The following PLSCR2 variants were observed in gnomAD, a reference collection of about 807,000 sequenced individuals.
PLSCR2 encodes the protein PL scramblase 2.
In PLSCR2, 18 loss-of-function variants were observed where a neutral mutation model predicts 25.3. The ratio of observed to expected loss-of-function variants is 0.71; its 90% CI spans 0.49 to 1.06. The LOEUF is 1.06. PLSCR2 is among the 50% of genes least tolerant of loss of function. PLSCR2 has a pLI of 0.00. For synonymous variants in PLSCR2, 88 were observed against 87.3 expected (o/e 1.01, Z -0.04); for missense variants, 243 against 269.5 (o/e 0.90, Z 0.69).
chr3:146,480,613 G>A (rs2043095270), intron 1 of PLSCR2, among the ~76,000 whole-genome samples: 1 of 151,482 alleles, frequency 6.6e-6, no homozygotes. Context: ...ATGAAAAAGA[G>A]TCCAGGACCA....
At chr3:146,473,463 G>A (rs111836072) in intron 1 of PLSCR2, among the ~76,000 whole-genome samples, 1 of 151,732 alleles carries the variant, frequency 6.6e-6, no homozygotes, top group African/African-American at 2.4e-5. Flanking sequence ...CTGCTACCAC[G>A]CCTAACTAAT....
intron 6 of PLSCR2, among the ~76,000 whole-genome samples, chr3:146,445,447 C>T (rs748002399): frequency 3.3e-5 from 5 of 152,082 alleles, no homozygotes; most frequent in Admixed American, 6.6e-5. Flanking sequence ...CTATGATCAA[C>T]GTTTTTTTTC....
intron 1 of PLSCR2, among the ~76,000 whole-genome samples, chr3:146,481,486 C>A (rs530673218): frequency 6.6e-6 from 1 of 152,178 alleles, no homozygotes; most frequent in Non-Finnish European, 1.5e-5. Flanking sequence ...ACAATTGCTA[C>A]AAACAGAATA....
At chr3:146,468,290 A>G (rs568582015) in intron 1 of PLSCR2, among the ~76,000 whole-genome samples, 6 of 152,266 alleles carry the variant, frequency 3.9e-5, no homozygotes, top group African/African-American at 1.2e-4. Flanking sequence ...CAGGGTGGCA[A>G]TAAGAGAAAG....
chr3:146,401,021 T>C (rs2038454225), intron 2 of PLSCR2, among the ~76,000 whole-genome samples: 1 of 151,964 alleles, frequency 6.6e-6, no homozygotes, highest in South Asian at 2.1e-4. Flanking sequence ...AAAATGGAAG[T>C]AGATTTAAAT....
In PLSCR2 at chr3:146,493,783, G is replaced by A. The variant is rs796335048; in HGVS notation, c.-293+2112C>T. 4.3e-3 allele frequency among the ~76,000 whole-genome samples: 238 copies of A among 54,810 alleles called. 2 individuals are homozygous for A. Among genetic ancestry groups the A allele is most frequent in the African/African-American group, 0.017 (232 of 14,010 alleles). 36.0% of individuals were successfully genotyped at this position (54,810 alleles called of 152,430 possible). ...TTTCTGTTTTTCAGTCCAAGGTGGC[G>A]TTTTTTTTTTTTTTTTTTTTTTTTG... On this transcript the variant is annotated intron_variant, in intron 1 of 8. Coordinates refer to the PLSCR2 transcript ENST00000336685.
intron 5 of PLSCR2, among the ~76,000 whole-genome samples, chr3:146,453,625 C>A (rs973051034): frequency 2.6e-5 from 4 of 152,122 alleles, no homozygotes; most frequent in African/African-American, 9.7e-5. Context: ...TGGCCTGGAG[C>A]ACTGGCAGCC....
chr3:146,480,039 G>A (rs1352759231), intron 1 of PLSCR2, among the ~76,000 whole-genome samples: 1 of 152,244 alleles, frequency 6.6e-6, no homozygotes, highest in Non-Finnish European at 1.5e-5. Flanking sequence ...TGAAACCAAT[G>A]AGAACAAAGA....
At chr3:146,485,144 G>A (rs2043295856) in intron 1 of PLSCR2, among the ~76,000 whole-genome samples, 1 of 150,834 alleles carries the variant, frequency 6.6e-6, no homozygotes, top group African/African-American at 2.4e-5. Context: ...TTGAGGGGTT[G>A]CAATCCTTGT....
chr3:146,427,097 A>G (rs563699115), intron 2 of PLSCR2, among the ~76,000 whole-genome samples: 2 of 152,346 alleles, frequency 1.3e-5, no homozygotes, highest in African/African-American at 4.8e-5. Context: ...TAAACTCAAT[A>G]TCTTCACATA....
downstream of PLSCR2, among the ~76,000 whole-genome samples, chr3:146,429,093 G>A (rs372322310): frequency 1.3e-5 from 2 of 152,142 alleles, no homozygotes; most frequent in Non-Finnish European, 1.5e-5. Context: ...ACCTGAGGCC[G>A]AGTAATTTAT....
chr3:146,439,247 T>C (rs1412942830), downstream of PLSCR2, among the ~76,000 whole-genome samples: 3 of 152,154 alleles, frequency 2.0e-5, no homozygotes, highest in African/African-American at 4.8e-5. Context: ...CTGACAACTA[T>C]GTGTCTTGGA....
downstream of PLSCR2, among the ~76,000 whole-genome samples, chr3:146,438,324 ATC>A (rs2108204425): frequency 6.6e-6 from 1 of 152,298 alleles, no homozygotes; most frequent in East Asian, 1.9e-4. Context: ...ATTCCTGGAC[ATC>A]TTTGTTAACT....
At chr3:146,489,783 G>A (rs1039766800) in intron 1 of PLSCR2, among the ~76,000 whole-genome samples, 1 of 152,028 alleles carries the variant, frequency 6.6e-6, no homozygotes, top group African/African-American at 2.4e-5. Context: ...CAGATGGTGT[G>A]GAATAATCTC....
At chr3:146,489,708 C>G (rs921206915) in intron 1 of PLSCR2, among the ~76,000 whole-genome samples, 1 of 152,064 alleles carries the variant, frequency 6.6e-6, no homozygotes, top group Admixed American at 6.6e-5. Flanking sequence ...TTTGCCTTTT[C>G]GATCTTCTAA....
chr3:146,432,052 T>G (rs1023367798), downstream of PLSCR2, among the ~76,000 whole-genome samples: 1 of 152,178 alleles, frequency 6.6e-6, no homozygotes, highest in African/African-American at 2.4e-5. Flanking sequence ...CTCTAAAATG[T>G]TACTCATTTT....
At chr3:146,456,792 GA>G (rs931221921) in intron 3 of PLSCR2, among the ~76,000 whole-genome samples, 1 of 151,002 alleles carries the variant, frequency 6.6e-6, no homozygotes, top group African/African-American at 2.4e-5. Flanking sequence ...TTCAATTTGA[GA>G]AAAAAAGAAA....
chr3:146,494,451 GTA>G (rs1416385448), intron 1 of PLSCR2: 1 of 152,010 alleles, frequency 6.6e-6, no homozygotes, highest in African/African-American at 2.4e-5. Context: ...GTGCATATGT[GTA>G]TATATGTTTT....
intron 3 of PLSCR2, 75 bp downstream of exon 3, chr3:146,458,336 A>G: frequency 1.6e-6 from 2 of 1,256,818 alleles, no homozygotes; most frequent in Non-Finnish European, 2.2e-6. Flanking sequence ...TGCTATATTT[A>G]TAGTTTTTGA....
Sources: allele counts gnomAD v4.1 joint callset (sites outside exome capture counted in the v4.1 genomes callset), GRCh38; gene constraint gnomAD v4.1.1; transcripts MANE v1.5; gene names NCBI Gene and HGNC (gene_info 2026-07-23, HGNC 2026-07-21).